The following SKAP2 variants were observed in gnomAD, a reference collection of about 807,000 sequenced individuals.
The protein encoded by SKAP2 is src kinase-associated phosphoprotein 2.
A neutral mutation model predicts 54.9 loss-of-function variants in SKAP2; 28 were observed. The ratio of observed to expected loss-of-function variants is 0.51; its 90% CI spans 0.38 to 0.70. The LOEUF (loss-of-function observed/expected upper bound fraction) is 0.70. Ranked by LOEUF, SKAP2 falls within the 30% of genes least tolerant of loss-of-function variation. The probability of loss-of-function intolerance (pLI) is 0.00; values close to 1 mark genes in which losing one functional copy is unlikely to be tolerated. For missense variants in SKAP2, 356 were observed against 424.1 expected (o/e 0.84, Z 1.41); for synonymous variants, 137 against 134.3 (o/e 1.02, Z -0.14).
Position 26,719,078 on chromosome 7 carries a change from G to A in SKAP2, c.796+6350C>T, listed in dbSNP as rs982149537. ...GCCTGTAGTCCCAGCTACTTAAGAG[G>A]CTAAGGCAGGAGAAACACTTGAGGA... On this transcript the variant is annotated intron_variant, in intron 9 of 12. Coordinates refer to ENST00000345317, the MANE Select transcript of SKAP2 (RefSeq NM_003930.5). Among the ~76,000 whole-genome samples the A allele has an allele frequency of 2.6e-5, 4 of 152,152 alleles. No individual in the cohort carries two copies. The East Asian group carries it at 7.8e-4, about 30-fold the overall frequency.
chr7:26,700,828 C>G (rs1359328785), intron 9 of SKAP2, among the ~76,000 whole-genome samples: 1 of 152,202 alleles, frequency 6.6e-6, no homozygotes, highest in Non-Finnish European at 1.5e-5. Context: ...CTCCAGACCT[C>G]TAAAGTCTTT....
At chr7:26,809,682 G>A (rs1197535773) in intron 4 of SKAP2, among the ~76,000 whole-genome samples, 1 of 152,138 alleles carries the variant, frequency 6.6e-6, no homozygotes, top group African/African-American at 2.4e-5. Context: ...AACCATTATG[G>A]AAAACAGTAT....
At chr7:26,750,176 C>T (rs919813223) in intron 4 of SKAP2, among the ~76,000 whole-genome samples, 1 of 152,060 alleles carries the variant, frequency 6.6e-6, no homozygotes, top group Non-Finnish European at 1.5e-5. Context: ...CAGACAACAT[C>T]ACTGAATTAC....
rs534254681 is a variant in SKAP2 at position 26,741,328 on chromosome 7, G to A, written c.308-1364C>T. On this transcript the variant is annotated intron_variant, in intron 4 of 12. Coordinates refer to ENST00000345317, the MANE Select transcript of SKAP2 (RefSeq NM_003930.5). ...GCCCAGGAGTTTGACACCAGCTTGG[G>A]TAACACAGTGAGACCCCCATCTCTA... Among the ~76,000 whole-genome samples, 88 of 152,196 alleles carry A rather than the reference G, an allele frequency of 5.8e-4. 2 individuals carry two copies. Among genetic ancestry groups the A allele is most frequent in the African/African-American group, 1.8e-3 (73 of 41,526 alleles).
At chr7:26,768,599 T>A (rs1433848415) in intron 4 of SKAP2, among the ~76,000 whole-genome samples, 1 of 152,190 alleles carries the variant, frequency 6.6e-6, no homozygotes, top group Admixed American at 6.5e-5. Context: ...CTGGTACTGG[T>A]TTTTCCTTTC....
chr7:26,810,662 C>CAT lies in SKAP2; in HGVS notation c.307+33366_307+33367dup, dbSNP rs756112844. Among the ~76,000 whole-genome samples, 271 of 151,302 alleles carry CAT rather than the reference C, an allele frequency of 1.8e-3. 7 individuals are homozygous for CAT. The East Asian group carries it at 0.039, about 22-fold the overall frequency. ...CATATCAAAACATCATGCTGTGTAC[C>CAT]ATATATATATATACATGTTTTTGTT... On this transcript the variant is annotated intron_variant, in intron 4 of 12. Coordinates refer to ENST00000345317, the MANE Select transcript of SKAP2 (RefSeq NM_003930.5).
At chr7:26,828,099 C>T (rs991862474) in intron 4 of SKAP2, among the ~76,000 whole-genome samples, 35 of 152,110 alleles carry the variant, frequency 2.3e-4, no homozygotes, top group Non-Finnish European at 4.1e-4. Flanking sequence ...CCCTTAGATC[C>T]CACCGCTATA....
chr7:26,764,554 CT>C (rs1352771525), intron 4 of SKAP2, among the ~76,000 whole-genome samples: 1 of 151,854 alleles, frequency 6.6e-6, no homozygotes, highest in Non-Finnish European at 1.5e-5. Context: ...TACTATATAA[CT>C]TTTTTTCATA....
chr7:26,691,181 C>A (rs1786772205), intron 9 of SKAP2, among the ~76,000 whole-genome samples: 1 of 152,150 alleles, frequency 6.6e-6, no homozygotes, highest in Admixed American at 6.6e-5. Flanking sequence ...AATCAGTGCT[C>A]CATTTACATT....
intron 4 of SKAP2, among the ~76,000 whole-genome samples, chr7:26,792,623 A>C (rs778939205): frequency 6.6e-6 from 1 of 152,246 alleles, no homozygotes; most frequent in Non-Finnish European, 1.5e-5. Context: ...TACTTTTCTT[A>C]ATATTTTATC....
At chr7:26,718,388 A>G (rs1787507029) in intron 9 of SKAP2, among the ~76,000 whole-genome samples, 2 of 152,104 alleles carry the variant, frequency 1.3e-5, no homozygotes, top group Admixed American at 1.3e-4. Flanking sequence ...AAACTTTTAT[A>G]TGTATATGTA....
chr7:26,710,788 G>C (rs1354771358), intron 9 of SKAP2, among the ~76,000 whole-genome samples: 1 of 152,018 alleles, frequency 6.6e-6, no homozygotes. Context: ...TTTTTTTCTT[G>C]AAAACATTTT....
intron 4 of SKAP2, among the ~76,000 whole-genome samples, chr7:26,840,425 CAAAAATGAATG>C (rs914858322): frequency 4.6e-5 from 7 of 151,886 alleles, no homozygotes; most frequent in African/African-American, 1.5e-4. Flanking sequence ...TCACAAATGA[CAAAAATGAATG>C]AAAAATGATT....
At chr7:26,704,386 T>TA (rs1787112670) in intron 9 of SKAP2, among the ~76,000 whole-genome samples, 1 of 152,170 alleles carries the variant, frequency 6.6e-6, no homozygotes, top group African/African-American at 2.4e-5. Flanking sequence ...GCCAGGAGCC[T>TA]AAGAAGATTG....
intron 4 of SKAP2, among the ~76,000 whole-genome samples, chr7:26,820,174 A>G (rs1233320124): frequency 6.6e-6 from 1 of 152,192 alleles, no homozygotes; most frequent in Non-Finnish European, 1.5e-5. Context: ...CCTGGGCAAT[A>G]TTGTGAGATC....
At chr7:26,678,160 T>C (rs1786397932) in intron 11 of SKAP2, among the ~76,000 whole-genome samples, 4 of 152,210 alleles carry the variant, frequency 2.6e-5, no homozygotes, top group Admixed American at 1.3e-4. Flanking sequence ...AGGGTTATTA[T>C]ATTAATTATA....
intron 6 of SKAP2, among the ~76,000 whole-genome samples, chr7:26,737,709 A>G (rs542427910): frequency 6.6e-6 from 1 of 152,296 alleles, no homozygotes; most frequent in Admixed American, 6.5e-5. Flanking sequence ...CCTTTACTTT[A>G]TAATATTCAA....
At chr7:26,819,010 A>G (rs189930006) in intron 4 of SKAP2, among the ~76,000 whole-genome samples, 37 of 152,236 alleles carry the variant, frequency 2.4e-4, no homozygotes, top group Admixed American at 1.2e-3. Flanking sequence ...GGAAGACAGT[A>G]TGGCAATTCC....
At chr7:26,797,347 G>A (rs996430161) in intron 4 of SKAP2, among the ~76,000 whole-genome samples, 13 of 152,204 alleles carry the variant, frequency 8.5e-5, no homozygotes, top group African/African-American at 2.9e-4. Flanking sequence ...CAGCTTTAGG[G>A]GGCTCAGAAC....
Sources: gnomAD v4.1 joint callset for allele counts (sites outside exome capture counted in the v4.1 genomes callset) on GRCh38, gnomAD v4.1.1 for gene constraint, MANE v1.5 for transcripts, NCBI Gene and HGNC (gene_info 2026-07-23, HGNC 2026-07-21) for gene names.